The following TTC29 variants were observed in gnomAD, a reference collection of about 807,000 sequenced individuals.
TTC29 encodes tetratricopeptide repeat protein 29.
Under a neutral mutation model 58.1 loss-of-function variants are expected in TTC29, and 49 were observed. The ratio of observed to expected loss-of-function variants is 0.84; its 90% confidence interval spans 0.67 to 1.07. The LOEUF (loss-of-function observed/expected upper bound fraction) is 1.07, where lower values mean the gene tolerates loss of function less well. Among genes scored for constraint, TTC29 ranks in the 50% least tolerant of loss-of-function variants. The probability of loss-of-function intolerance (pLI) is 0.00; values close to 1 mark genes in which losing one functional copy is unlikely to be tolerated. For synonymous variants in TTC29, 209 were observed against 196.8 expected, an observed-to-expected ratio of 1.06 and a Z score of -0.52; for missense variants, 582 against 555.6, an observed-to-expected ratio of 1.05 and a Z score of -0.48.
At chr4:146,886,781 T>C (rs958808660) in intron 6 of TTC29, among the ~76,000 whole-genome samples, 10 of 152,088 alleles carry the variant, frequency 6.6e-5, no homozygotes, top group African/African-American at 2.4e-4. Context: ...CATAAGGAGA[T>C]GGTGTTGGGT....
intron 9 of TTC29, among the ~76,000 whole-genome samples, chr4:146,821,145 C>A (rs1306434132): frequency 6.6e-6 from 1 of 152,104 alleles, no homozygotes; most frequent in African/African-American, 2.4e-5. Flanking sequence ...ATTTATACGA[C>A]ATGTCCAGAA....
chr4:146,728,763 A>C (rs376224511), intron 11 of TTC29, among the ~76,000 whole-genome samples: 1 of 65,090 alleles, frequency 1.5e-5, no homozygotes, highest in Non-Finnish European at 3.9e-5. Flanking sequence ...ATATATGTAC[A>C]TATATATACA....
chr4:146,862,156 T>A (rs557681745), intron 8 of TTC29, among the ~76,000 whole-genome samples: 105 of 152,082 alleles, frequency 6.9e-4, no homozygotes, highest in African/African-American at 2.4e-3. Context: ...AAGAAAACTT[T>A]AAAAAATATA....
At chr4:146,933,103 C>G (rs1735477022) in intron 4 of TTC29, among the ~76,000 whole-genome samples, 1 of 151,794 alleles carries the variant, frequency 6.6e-6, no homozygotes, top group East Asian at 1.9e-4. Flanking sequence ...TGTTTCTTTA[C>G]AGCCCAAACT....
chr4:146,824,336 C>T (rs1727608859), intron 9 of TTC29, among the ~76,000 whole-genome samples: 2 of 152,034 alleles, frequency 1.3e-5, no homozygotes, highest in African/African-American at 4.8e-5. Flanking sequence ...TATCGAAGGC[C>T]TTTTCTGCAT....
At chr4:146,735,328 G>A (rs1437453503) in intron 11 of TTC29, among the ~76,000 whole-genome samples, 1 of 152,106 alleles carries the variant, frequency 6.6e-6, no homozygotes, top group African/African-American at 2.4e-5. Context: ...CTATTTTGTC[G>A]ATGGGCATCA....
intron 6 of TTC29, among the ~76,000 whole-genome samples, chr4:146,886,534 C>T (rs75790731): frequency 0.051 from 7,828 of 152,088 alleles, 274 homozygotes; most frequent in South Asian, 0.14. Context: ...TCATTGAACA[C>T]GACATGGGAA....
chr4:146,924,868 C>G (rs1350941966), intron 4 of TTC29, among the ~76,000 whole-genome samples: 1 of 151,828 alleles, frequency 6.6e-6, no homozygotes. Context: ...TCCTTTTAAG[C>G]ACTGCTTTAG....
intron 11 of TTC29, among the ~76,000 whole-genome samples, chr4:146,765,996 G>A (rs997321949): frequency 1.3e-5 from 2 of 152,050 alleles, no homozygotes; most frequent in African/African-American, 4.8e-5. Context: ...AAACACTAAA[G>A]GTAAGTTAGG....
At chr4:146,932,278 C>T (rs1426551508) in intron 4 of TTC29, among the ~76,000 whole-genome samples, 4 of 152,130 alleles carry the variant, frequency 2.6e-5, no homozygotes, top group Non-Finnish European at 4.4e-5. Flanking sequence ...TTCTCCTGCC[C>T]ACCTATCTCT....
chr4:146,940,829 C>T (rs138316152), intron 2 of TTC29, among the ~76,000 whole-genome samples: 1 of 152,216 alleles, frequency 6.6e-6, no homozygotes, highest in Non-Finnish European at 1.5e-5. Context: ...GCTTTATCCC[C>T]TTTTAGGGTC....
chr4:146,903,454 C>CT (rs1733291281), intron 6 of TTC29, 90 bp downstream of exon 6: 3 of 1,215,750 alleles, frequency 2.5e-6, no homozygotes, highest in Non-Finnish European at 3.4e-6. Context: ...AATCTCAGGT[C>CT]TTTTTTCTCG....
intron 6 of TTC29, 150 bp from the exon 7 acceptor site, chr4:146,875,078 A>C: frequency 1.5e-6 from 1 of 655,142 alleles, no homozygotes; most frequent in Non-Finnish European, 2.6e-6. Context: ...TAAACTGGGA[A>C]AGGAGTGATC....
At chr4:146,763,489 T>C (rs1026379174) in intron 11 of TTC29, among the ~76,000 whole-genome samples, 1 of 152,046 alleles carries the variant, frequency 6.6e-6, no homozygotes, top group African/African-American at 2.4e-5. Flanking sequence ...GAATGTAACA[T>C]TCATCCATAT....
intron 9 of TTC29, among the ~76,000 whole-genome samples, chr4:146,828,533 T>G (rs950169239): frequency 7.9e-5 from 12 of 152,100 alleles, no homozygotes; most frequent in Admixed American, 7.2e-4. Flanking sequence ...CTTATTTATG[T>G]TCATGTTTCT....
intron 11 of TTC29, among the ~76,000 whole-genome samples, chr4:146,709,092 G>A (rs1742294156): frequency 6.6e-6 from 1 of 151,994 alleles, no homozygotes; most frequent in Non-Finnish European, 1.5e-5. Flanking sequence ...TTGCCTCATT[G>A]TCACTGTACT....
chr4:146,844,710 C>T (rs1274015001), intron 8 of TTC29, among the ~76,000 whole-genome samples: 1 of 152,086 alleles, frequency 6.6e-6, no homozygotes, highest in Non-Finnish European at 1.5e-5. Context: ...CTAAGGAAAT[C>T]CATTGGAGAT....
Position 146,928,218 on chromosome 4 carries a change from C to T in TTC29, c.176+9376G>A, listed in dbSNP as rs1422634736. Among the ~76,000 whole-genome samples the T allele has an allele frequency of 2.0e-5, 3 of 152,156 alleles. 1 individual carries two copies. In the South Asian group the frequency reaches 6.2e-4, roughly 32 times the overall value. On this transcript the variant is annotated intron_variant, in intron 4 of 12. Transcript: ENST00000325106. ...TTCAGAGGCAGAATGGTATAATGCT[C>T]CAAAAATGAGTGTTAGACCCAGACT...
intron 7 of TTC29, among the ~76,000 whole-genome samples, chr4:146,870,262 T>C (rs189411316): frequency 1.3e-5 from 2 of 152,014 alleles, no homozygotes; most frequent in Admixed American, 1.3e-4. Flanking sequence ...AAATAAACAA[T>C]GGGTCAAAGA....
Sources: gnomAD v4.1 joint callset for allele counts (sites outside exome capture counted in the v4.1 genomes callset) on GRCh38, gnomAD v4.1.1 for gene constraint, MANE v1.5 for transcripts, NCBI Gene and HGNC (gene_info 2026-07-23, HGNC 2026-07-21) for gene names.